The following BEGAIN variants were observed in gnomAD, a reference collection of about 807,000 sequenced individuals.
The protein encoded by BEGAIN is brain enriched guanylate kinase associated.
BEGAIN carries 19 observed loss-of-function variants against 35.8 expected under a neutral mutation model. The ratio of observed to expected loss-of-function variants is 0.53; its 90% CI spans 0.37 to 0.78. The LOEUF (loss-of-function observed/expected upper bound fraction) is 0.78, where lower values mean the gene tolerates loss of function less well. Ranked by LOEUF, BEGAIN falls within the 30% of genes least tolerant of loss-of-function variation. BEGAIN has a pLI of 0.00. For missense variants in BEGAIN, 795 were observed against 853.6 expected, an observed-to-expected ratio of 0.93 and a Z score of 0.85; for synonymous variants, 462 against 388.6, an observed-to-expected ratio of 1.19 and a Z score of -2.22.
chr14:100,546,812 A>ACACACT (rs1355811271), intron 2 of BEGAIN, 150 bp from the exon 3 acceptor site: 1 of 541,000 alleles, frequency 1.8e-6, no homozygotes, highest in East Asian at 3.7e-5. Flanking sequence ...ACACACACAC[A>ACACACT]CTCACACACA....
In BEGAIN at chr14:100,554,887, C is replaced by A. The variant is rs557465986; in HGVS notation, c.72-8225G>T. Reference sequence around the variant, plus strand: ...CAGCCTCGCCATTCCTGGCCCCCCCCACCTTCCCGCCAGGCACGCTGGCCT... The same window carrying A: ...CAGCCTCGCCATTCCTGGCCCCCCCAACCTTCCCGCCAGGCACGCTGGCCT... On this transcript the variant is annotated intron_variant, in intron 2 of 6. Transcript: ENST00000554140. Among the ~76,000 whole-genome samples, 1,134 of 152,374 alleles carry A rather than the reference C, an allele frequency of 7.4e-3. 32 individuals carry two copies. Among genetic ancestry groups the A allele is most frequent in the South Asian group, 8.3e-3 (40 of 4,828 alleles).
In BEGAIN at chr14:100,541,819, C is replaced by A. The variant is rs527255476; in HGVS notation, c.409-1240G>T. ...TGGCCAGCTCTGGGACAGCTGGGAG[C>A]CTTTCCTGAGCAGCCGCAGCTGCTG... On this transcript the variant is annotated intron_variant, in intron 5 of 6. Coordinates refer to ENST00000554140, the MANE Select transcript of BEGAIN (RefSeq NM_001385089.1). Among the ~76,000 whole-genome samples the A allele has an allele frequency of 1.2e-4, 19 of 152,324 alleles. No homozygotes were observed. In the East Asian group the frequency reaches 2.3e-3, roughly 19 times the overall value.
At chr14:100,564,699 C>T (rs12436130) in intron 2 of BEGAIN, among the ~76,000 whole-genome samples, 44,304 of 152,076 alleles carry the variant, frequency 0.29, 6,992 homozygotes, top group African/African-American at 0.39. Context: ...TGTGGCCCCC[C>T]GGCCTGTGGG....
intron 1 of BEGAIN, among the ~76,000 whole-genome samples, chr14:100,578,264 C>T (rs2139757706): frequency 6.6e-6 from 1 of 152,364 alleles, no homozygotes; most frequent in East Asian, 1.9e-4. Flanking sequence ...TGCACAGGGC[C>T]CTAGGCTGGG....
Position 100,572,014 on chromosome 14 carries a change from T to G in BEGAIN, c.43-4075A>C, listed in dbSNP as rs374681200. Among the ~76,000 whole-genome samples the G allele has an allele frequency of 2.4e-3, 368 of 152,320 alleles. 1 individual carries two copies. The highest frequency in any genetic ancestry group is 8.4e-3 in the African/African-American group (348 of 41,574). On this transcript the variant is annotated intron_variant, in intron 1 of 6. Transcript: ENST00000554140. ...CTGCGGTGAGCAGGTGGTGTTGGCC[T>G]GAACGAATGCAGTGCGTCTTAATCC... is the stretch of plus-strand genomic sequence containing the variant.
At chr14:100,571,860 T>TGC (rs972414041) in intron 1 of BEGAIN, among the ~76,000 whole-genome samples, 2 of 152,216 alleles carry the variant, frequency 1.3e-5, no homozygotes, top group Non-Finnish European at 2.9e-5. Context: ...TGGAATGTTC[T>TGC]GCCCTGACTC....
intron 4 of BEGAIN, among the ~76,000 whole-genome samples, chr14:100,544,309 A>G (rs2032060311): frequency 6.6e-6 from 1 of 152,120 alleles, no homozygotes. Context: ...CAGATTGGGA[A>G]ACTGAGGCTC....
intron 2 of BEGAIN, among the ~76,000 whole-genome samples, chr14:100,554,201 G>A (rs781544378): frequency 2.6e-5 from 4 of 152,202 alleles, no homozygotes; most frequent in Non-Finnish European, 5.9e-5. Flanking sequence ...AGGGCGCTGA[G>A]CAGGTTCCTG....
At position 100,538,226 on chromosome 14, in the gene BEGAIN, G is replaced by C. The variant is rs1409107057; in HGVS notation, c.1582C>G (p.Pro528Ala). Reference protein sequence around the residue: ...LSLSPGRSADPLPGYAPSEGG... With the variant: ...LSLSPGRSADALPGYAPSEGG... ...TCGCTGGGTGCATAGCCGGGCAGTGGGTCAGCCGAGCGGCCGGGACTGAGG... is the reference window on the plus strand; with the variant it reads ...TCGCTGGGTGCATAGCCGGGCAGTGCGTCAGCCGAGCGGCCGGGACTGAGG... Residue 528 changes from proline (P) to alanine (A), a missense_variant, in exon 7 of 7, where the codon CCA becomes GCA. Transcript: ENST00000554140. 6.4e-7 allele frequency: 1 copy of C among 1,568,028 alleles called. No homozygotes were observed. The highest frequency in any genetic ancestry group is 2.3e-5 in the East Asian group (1 of 43,538).
rs1290135766 is a variant in BEGAIN, at chr14:100,538,181, G to GCCTGTC, written c.1621_1626dup (p.Asp541_Arg542dup). The GCCTGTC allele has an allele frequency of 3.2e-6, 5 of 1,540,170 alleles. No homozygotes were observed. The highest frequency in any genetic ancestry group is 4.4e-6 in the Non-Finnish European group (5 of 1,146,662). The stretch of plus-strand genomic sequence containing the variant: ...GCGGTCCCACACAGCTGCACCCCGA[G>GCCTGTC]CCTGTCCCCGTCCCCCCCCTCGCTG... On this transcript the variant is annotated inframe_insertion, in exon 7 of 7. Coordinates refer to ENST00000554140, the MANE Select transcript of BEGAIN (RefSeq NM_001385089.1).
rs1430345252 is a variant in BEGAIN at position 100,568,512 on chromosome 14, G to C, written c.43-573C>G. On this transcript the variant is annotated intron_variant, in intron 1 of 6. Coordinates refer to ENST00000554140, the MANE Select transcript of BEGAIN (RefSeq NM_001385089.1). This position sits in a 1 kb window ranked among gnomAD's most constrained non-coding sequence, Gnocchi z 7.5. ...CAGGGACCCGCTGCCCTCAGATTCT[G>C]GGGTTTTGGGCCTGGCTTGCCCCTC... 1 of 1,287,142 alleles carries C rather than the reference G, an allele frequency of 7.8e-7. No individual in the cohort carries two copies. The highest frequency in any genetic ancestry group is 1.2e-5 in the South Asian group (1 of 80,712). 79.7% of individuals were successfully genotyped at this position (1,287,142 alleles called of 1,614,324 possible).
Position 100,538,788 on chromosome 14 carries a change from C to T in BEGAIN, c.1020G>A (p.Ser340=), listed in dbSNP as rs748650759. Residue 340 remains serine, a synonymous_variant, in exon 7 of 7, where the codon TCG becomes TCA. Coordinates refer to ENST00000554140, the MANE Select transcript of BEGAIN (RefSeq NM_001385089.1). ...GGCTGTTCAGGTAGATGGCCTGCTG[C>T]GACGCGGTCAGCGTGCTGGCCTGCG... ...EHAQASTLTA[S]QQAIYLNSRD... The T allele has an allele frequency of 9.4e-6, 15 of 1,595,148 alleles. No homozygotes were observed. The highest frequency in any genetic ancestry group is 1.2e-5 in the Non-Finnish European group (14 of 1,172,776).
intron 2 of BEGAIN, among the ~76,000 whole-genome samples, chr14:100,554,577 G>A (rs899309938): frequency 1.3e-5 from 2 of 152,036 alleles, no homozygotes; most frequent in African/African-American, 4.8e-5. Flanking sequence ...AGCACCTGAG[G>A]GGGCCTGAAA....
intron 1 of BEGAIN, chr14:100,577,299 G>A (rs1182215390): frequency 1.5e-5 from 6 of 398,864 alleles, no homozygotes; most frequent in African/African-American, 1.2e-4. Flanking sequence ...GACCTCTGGG[G>A]TTGAGACTCA....
At chr14:100,560,742 G>A (rs1218403144) in intron 2 of BEGAIN, among the ~76,000 whole-genome samples, 2 of 152,192 alleles carry the variant, frequency 1.3e-5, no homozygotes, top group South Asian at 2.1e-4. Flanking sequence ...GGGCTGAGAG[G>A]CCCAGAAGAC....
intron 1 of BEGAIN, among the ~76,000 whole-genome samples, chr14:100,570,728 C>G (rs529508828): frequency 3.3e-5 from 5 of 152,236 alleles, no homozygotes; most frequent in Non-Finnish European, 7.3e-5. Context: ...GCTACGCCCT[C>G]GGGGACAGTC....
At position 100,575,592 on chromosome 14, in the gene BEGAIN, G is replaced by A. The variant is rs367659686; in HGVS notation, c.43-7653C>T. Among the ~76,000 whole-genome samples the A allele has an allele frequency of 1.8e-4, 28 of 152,300 alleles. 1 individual carries two copies. The South Asian group carries it at 5.2e-3, about 28-fold the overall frequency. Reference sequence around the variant, plus strand: ...CTGTATTTGATCTGAGGCTGGAGCTGAGGGGCTCAGAGTTGGTGCCCATCA... The same window carrying A: ...CTGTATTTGATCTGAGGCTGGAGCTAAGGGGCTCAGAGTTGGTGCCCATCA... On this transcript the variant is annotated intron_variant, in intron 1 of 6. Coordinates refer to ENST00000554140, the MANE Select transcript of BEGAIN (RefSeq NM_001385089.1).
Position 100,539,266 on chromosome 14 carries a change from C to T in BEGAIN, c.542G>A (p.Gly181Asp), listed in dbSNP as rs1239307561. The T allele has an allele frequency of 3.2e-6, 5 of 1,585,366 alleles. No individual in the cohort carries two copies. In the South Asian group the frequency reaches 5.8e-5, roughly 18 times the overall value. The change falls in exon 7 of 7, where the codon GGC becomes GAC. Residue 181 changes from glycine to aspartate, a missense_variant. Transcript: ENST00000554140. ...ERVSLHMEKH[G>D]CSLPSPLCHP... The stretch of plus-strand genomic sequence containing the variant: ...GCAGAGCGGGGATGGCAGGCTGCAG[C>T]CGTGCTTCTCCATGTGCAGGCTCAC...
chr14:100,538,915 G>A lies in BEGAIN; in HGVS notation c.893C>T (p.Pro298Leu). 3.7e-6 allele frequency: 6 copies of A among 1,607,708 alleles called. No homozygotes were observed. Among genetic ancestry groups the A allele is most frequent in the Non-Finnish European group, 5.1e-6 (6 of 1,177,898 alleles). Reference protein sequence around the residue: ...EEEEAEAAAFPAGFQHEAFPS... With the variant: ...EEEEAEAAAFLAGFQHEAFPS... ...GAAGGCCTCATGCTGGAAGCCCGCC[G>A]GGAAGGCCGCCGCCTCGGCCTCCTC... Residue 298 changes from proline (P) to leucine (L), a missense_variant, in exon 7 of 7, where the codon CCG becomes CTG. Coordinates refer to ENST00000554140, the MANE Select transcript of BEGAIN (RefSeq NM_001385089.1).
Sources: gnomAD v4.1 joint callset for allele counts (sites outside exome capture counted in the v4.1 genomes callset) on GRCh38, gnomAD v4.1.1 for gene constraint, Gnocchi (gnomAD v3.1) non-coding constraint, MANE v1.5 for transcripts, NCBI Gene and HGNC (gene_info 2026-07-23, HGNC 2026-07-21) for gene names.